PTPRD: variants seen among roughly 807,000 people sequenced by gnomAD.
PTPRD encodes protein tyrosine phosphatase receptor type D, also known as receptor-type tyrosine-protein phosphatase delta.
Under a neutral mutation model 214.5 loss-of-function variants are expected in PTPRD, and 34 were observed. The ratio of observed to expected loss-of-function variants is 0.16; its 90% CI spans 0.12 to 0.21. The LOEUF is 0.21. PTPRD is among the 10% of genes least tolerant of loss of function. The probability of loss-of-function intolerance (pLI) is 1.00; values close to 1 mark genes in which losing one functional copy is unlikely to be tolerated. For missense variants in PTPRD, 2,545 were observed against 2,398.7 expected (o/e 1.06, Z -1.27); for synonymous variants, 1,128 against 845.7 (o/e 1.33, Z -5.79).
intron 2 of PTPRD, among the ~76,000 whole-genome samples, chr9:10,415,476 A>T (rs1349479088): frequency 6.6e-6 from 1 of 151,876 alleles, no homozygotes; most frequent in Non-Finnish European, 1.5e-5. Context: ...CTAAAATCAA[A>T]CTAGTATTAA....
intron 2 of PTPRD, among the ~76,000 whole-genome samples, chr9:10,393,040 A>G (rs1011207009): frequency 1.3e-5 from 2 of 151,768 alleles, no homozygotes; most frequent in African/African-American, 4.8e-5. Flanking sequence ...AGCTGTGTCA[A>G]TACTCTTACC....
At chr9:8,804,404 C>A (rs1294877067) in intron 11 of PTPRD, among the ~76,000 whole-genome samples, 1 of 151,824 alleles carries the variant, frequency 6.6e-6, no homozygotes, top group Admixed American at 6.6e-5. Context: ...TTGAGACCAG[C>A]CTGGGCAACA....
chr9:10,445,476 T>G (rs754302991), intron 2 of PTPRD, among the ~76,000 whole-genome samples: 4 of 152,048 alleles, frequency 2.6e-5, no homozygotes, highest in Non-Finnish European at 5.9e-5. Context: ...AGGAACACAT[T>G]TGAAAAATGG....
At chr9:9,932,130 A>T (rs1019225417) in intron 5 of PTPRD, among the ~76,000 whole-genome samples, 18 of 148,528 alleles carry the variant, frequency 1.2e-4, no homozygotes, top group Admixed American at 7.9e-4. Context: ...ATGGGGAAAA[A>T]ACAGAACAGA....
chr9:8,913,270 G>C (rs1343858302), intron 11 of PTPRD, among the ~76,000 whole-genome samples: 1 of 152,146 alleles, frequency 6.6e-6, no homozygotes, highest in Non-Finnish European at 1.5e-5. Context: ...GGTAAAATGT[G>C]AGTATTCCTT....
At chr9:9,431,078 C>T (rs955319221) in intron 8 of PTPRD, among the ~76,000 whole-genome samples, 2 of 152,194 alleles carry the variant, frequency 1.3e-5, no homozygotes, top group Non-Finnish European at 2.9e-5. Context: ...TAAAGAACCT[C>T]TGCACAGCAA....
intron 35 of PTPRD, among the ~76,000 whole-genome samples, chr9:8,418,219 C>CTTTTTTTTTTTTTT (rs370640821): frequency 6.7e-6 from 1 of 150,188 alleles, no homozygotes; most frequent in East Asian, 2.0e-4. Context: ...CTTTCTTATC[C>CTTTTTTTTTTTTTT]TTTTCTTTTT....
chr9:10,545,524 T>C (rs1012441171), intron 2 of PTPRD, among the ~76,000 whole-genome samples: 1 of 152,172 alleles, frequency 6.6e-6, no homozygotes, highest in African/African-American at 2.4e-5. Flanking sequence ...CTTGTTTATT[T>C]ATTGATTGAT....
At chr9:8,678,083 C>T (rs893719401) in intron 12 of PTPRD, among the ~76,000 whole-genome samples, 2 of 152,054 alleles carry the variant, frequency 1.3e-5, no homozygotes, top group Non-Finnish European at 2.9e-5. Context: ...AAAACACAGG[C>T]AAAACTTTAC....
At chr9:10,164,899 A>G (rs2099149922) in intron 3 of PTPRD, among the ~76,000 whole-genome samples, 2 of 151,398 alleles carry the variant, frequency 1.3e-5, no homozygotes, top group Non-Finnish European at 3.0e-5. Context: ...ACAAGAAAAA[A>G]AAAAAAAGAC....
chr9:9,836,870 C>T (rs568323929), intron 5 of PTPRD, among the ~76,000 whole-genome samples: 1 of 152,212 alleles, frequency 6.6e-6, no homozygotes, highest in South Asian at 2.1e-4. Context: ...AAATAGAAAA[C>T]TACCATATCA....
chr9:9,016,632 T>G (rs1056983034), intron 11 of PTPRD, among the ~76,000 whole-genome samples: 1 of 152,144 alleles, frequency 6.6e-6, no homozygotes, highest in African/African-American at 2.4e-5. Flanking sequence ...TGACTAAAGC[T>G]TCTTAAATGG....
At chr9:9,809,075 C>T (rs373824969) in intron 5 of PTPRD, among the ~76,000 whole-genome samples, 7 of 151,904 alleles carry the variant, frequency 4.6e-5, no homozygotes, top group East Asian at 1.9e-4. Context: ...CAGAAGCCTC[C>T]GTGCCTAGCC....
intron 8 of PTPRD, among the ~76,000 whole-genome samples, chr9:9,531,452 A>G (rs2075439128): frequency 6.6e-6 from 1 of 152,130 alleles, no homozygotes; most frequent in Non-Finnish European, 1.5e-5. Flanking sequence ...GCAGCTCATG[A>G]TATGATTCAG....
chr9:8,858,137 G>T, intron 11 of PTPRD: 1 of 160,654 alleles, frequency 6.2e-6, no homozygotes, highest in Non-Finnish European at 1.3e-5. Context: ...GCTCCTCGAT[G>T]CTCCGCCGCT....
chr9:9,475,612 TCAGA>T (rs1446664213), intron 8 of PTPRD, among the ~76,000 whole-genome samples: 1 of 152,204 alleles, frequency 6.6e-6, no homozygotes, highest in Non-Finnish European at 1.5e-5. Flanking sequence ...GGATTCATGC[TCAGA>T]CAGTGTCTTA....
chr9:9,774,033 T>G (rs1240872901), intron 5 of PTPRD, among the ~76,000 whole-genome samples: 2 of 152,218 alleles, frequency 1.3e-5, no homozygotes. Context: ...GCTGGACTCA[T>G]GCAGGTAAGT....
At chr9:10,070,470 T>G (rs2154178873) in intron 3 of PTPRD, among the ~76,000 whole-genome samples, 1 of 152,148 alleles carries the variant, frequency 6.6e-6, no homozygotes, top group African/African-American at 2.4e-5. Flanking sequence ...ATTTATGCAT[T>G]TCTATGAAAG....
intron 3 of PTPRD, among the ~76,000 whole-genome samples, chr9:10,221,900 G>A (rs920130116): frequency 1.3e-5 from 2 of 151,672 alleles, no homozygotes; most frequent in African/African-American, 4.8e-5. Context: ...TCTAAAAATG[G>A]TATTTTTACA....
Sources: gnomAD v4.1 joint callset for allele counts (sites outside exome capture counted in the v4.1 genomes callset) on GRCh38, gnomAD v4.1.1 for gene constraint, MANE v1.5 for transcripts, NCBI Gene and HGNC (gene_info 2026-07-23, HGNC 2026-07-21) for gene names.